TEK: variants seen among roughly 807,000 people sequenced by gnomAD.
TEK encodes the protein angiopoietin-1 receptor.
In TEK, 43 loss-of-function variants were observed where a neutral mutation model predicts 131.8. The observed-to-expected ratio is 0.33, with a 90% CI of 0.26 to 0.42. The LOEUF is 0.42. Ranked by LOEUF, TEK falls within the 10% of genes least tolerant of loss-of-function variation. The probability of loss-of-function intolerance (pLI) is 1.00; values close to 1 mark genes in which losing one functional copy is unlikely to be tolerated. For synonymous variants in TEK, 580 were observed against 491.6 expected (o/e 1.18, Z -2.38); for missense variants, 1,162 against 1,384.4 (o/e 0.84, Z 2.55).
chr9:27,193,633 C>T (rs919742319), intron 11 of TEK, among the ~76,000 whole-genome samples: 2 of 152,130 alleles, frequency 1.3e-5, no homozygotes, highest in African/African-American at 4.8e-5. Flanking sequence ...TGTGTATAAC[C>T]ATTCTGTTAC....
chr9:27,184,756 G>A (rs571980999), intron 8 of TEK, among the ~76,000 whole-genome samples: 65 of 152,228 alleles, frequency 4.3e-4, no homozygotes, highest in East Asian at 9.7e-4. Context: ...ATGGCAAAGA[G>A]GCCAGATACG....
At chr9:27,189,604 A>T (rs1358172967) in intron 9 of TEK, among the ~76,000 whole-genome samples, 3 of 152,172 alleles carry the variant, frequency 2.0e-5, no homozygotes, top group Non-Finnish European at 2.9e-5. Flanking sequence ...TCCTGACAAT[A>T]GTCAGAGATG....
At chr9:27,144,475 A>G (rs1032172566) in intron 1 of TEK, among the ~76,000 whole-genome samples, 1 of 152,208 alleles carries the variant, frequency 6.6e-6, no homozygotes, top group African/African-American at 2.4e-5. Flanking sequence ...CTCTCTCTTA[A>G]CGAATGCGCA....
intron 11 of TEK, among the ~76,000 whole-genome samples, chr9:27,196,762 C>CTTTTTTT (rs367911024): frequency 1.0e-5 from 1 of 99,270 alleles, no homozygotes; most frequent in Non-Finnish European, 2.0e-5. Flanking sequence ...GTGCTATACA[C>CTTTTTTT]TTTTTTTTTT....
Position 27,197,458 on chromosome 9 carries a change from A to T in TEK, c.1768A>T (p.Asn590Tyr). The T allele has an allele frequency of 1.2e-6, 2 of 1,614,108 alleles. No individual in the cohort carries two copies. Among genetic ancestry groups the T allele is most frequent in the Non-Finnish European group, 1.7e-6 (2 of 1,180,008 alleles). ...GTCTGTGCAAAAAAGTGATCAGCAG[A>T]ATATTAAAGTTCCAGGCAACTTGAC... ...RRSVQKSDQQ[N>Y]IKVPGNLTSV... Residue 590 changes from asparagine (N) to tyrosine (Y), a missense_variant, in exon 12 of 23, where the codon AAT becomes TAT. Physicochemically the swap from Asn to Tyr is moderately radical, Grantham distance 143. Transcript: ENST00000380036.
intron 1 of TEK, among the ~76,000 whole-genome samples, chr9:27,144,490 C>A (rs770754526): frequency 2.6e-5 from 4 of 152,194 alleles, no homozygotes; most frequent in African/African-American, 4.8e-5. Context: ...TGCGCATAGG[C>A]CTCCGACTCT....
chr9:27,136,194 G>A (rs539584344), intron 1 of TEK, among the ~76,000 whole-genome samples: 1 of 150,454 alleles, frequency 6.6e-6, no homozygotes, highest in South Asian at 2.1e-4. Flanking sequence ...CAATTCTTCT[G>A]CCTCAGCCTC....
chr9:27,113,032 T>G (rs1821405905), intron 1 of TEK, among the ~76,000 whole-genome samples: 1 of 152,176 alleles, frequency 6.6e-6, no homozygotes, highest in Non-Finnish European at 1.5e-5. Flanking sequence ...TGGTAATCAC[T>G]TCACTGAAAT....
chr9:27,162,478 C>T (rs1328939282), intron 2 of TEK, among the ~76,000 whole-genome samples: 1 of 152,184 alleles, frequency 6.6e-6, no homozygotes, highest in African/African-American at 2.4e-5. Context: ...GAAACGTTTT[C>T]AGATCCAAAG....
chr9:27,121,049 C>T (rs1821762854), intron 1 of TEK, among the ~76,000 whole-genome samples: 1 of 152,178 alleles, frequency 6.6e-6, no homozygotes, highest in Non-Finnish European at 1.5e-5. Flanking sequence ...TGGCTGGGTG[C>T]TGTGGCTCAC....
intron 1 of TEK, among the ~76,000 whole-genome samples, chr9:27,130,589 T>C (rs1417011131): frequency 2.0e-5 from 3 of 149,444 alleles, no homozygotes; most frequent in African/African-American, 4.9e-5. Context: ...AAGAGAAAAA[T>C]ACTTGGAACA....
chr9:27,174,204 C>T (rs935489455), intron 6 of TEK, among the ~76,000 whole-genome samples: 2 of 152,138 alleles, frequency 1.3e-5, no homozygotes, highest in African/African-American at 4.8e-5. Context: ...CAGAACCTCC[C>T]TAATGTATAT....
At chr9:27,169,655 G>A (rs1168415197) in intron 4 of TEK, 26 bp downstream of exon 4, 1 of 1,613,606 alleles carries the variant, frequency 6.2e-7, no homozygotes, top group East Asian at 2.2e-5. Context: ...GCCACCATTT[G>A]TGATGGTGTA....
At chr9:27,146,258 A>T (rs866664250) in intron 1 of TEK, among the ~76,000 whole-genome samples, 25 of 152,320 alleles carry the variant, frequency 1.6e-4, no homozygotes, top group African/African-American at 4.3e-4. Flanking sequence ...AATATGAAAG[A>T]TACATTTTTA....
intron 2 of TEK, among the ~76,000 whole-genome samples, chr9:27,166,618 A>T (rs1049234305): frequency 1.3e-5 from 2 of 152,178 alleles, no homozygotes; most frequent in Non-Finnish European, 2.9e-5. Context: ...GCTTTATAAT[A>T]ATTTTTTCTG....
chr9:27,218,642 AAGG>A, intron 19 of TEK, 132 bp from the exon 20 acceptor site: 1 of 847,518 alleles, frequency 1.2e-6, no homozygotes, highest in South Asian at 1.4e-5. Context: ...CACTGTGTGC[AAGG>A]GCCTATCCTA....
chr9:27,109,662 T>G lies in TEK; in HGVS notation c.52+20T>G. ...TTTCTGGTAAGGTTTGGCTTTATTT[T>G]TTTTAATTTAGTATTTTAAAAAACA... On this transcript the variant is annotated intron_variant, in intron 1 of 22. Coordinates refer to ENST00000380036, the MANE Select transcript of TEK (RefSeq NM_000459.5). 6.2e-7 allele frequency: 1 copy of G among 1,613,364 alleles called. No individual in the cohort carries two copies. Among genetic ancestry groups the G allele is most frequent in the Non-Finnish European group, 8.5e-7 (1 of 1,179,390 alleles).
intron 1 of TEK, among the ~76,000 whole-genome samples, chr9:27,118,576 T>C (rs916680656): frequency 6.6e-6 from 1 of 152,216 alleles, no homozygotes; most frequent in Admixed American, 6.5e-5. Flanking sequence ...TTAGGCTGCA[T>C]GAATGTCGTG....
At chr9:27,180,508 A>G in intron 7 of TEK, 140 bp downstream of exon 7, 1 of 1,248,686 alleles carries the variant, frequency 8.0e-7, no homozygotes, top group Non-Finnish European at 1.1e-6. Context: ...GTTTATCCTA[A>G]ATCCTAAAGC....
Sources: allele counts gnomAD v4.1 joint callset (sites outside exome capture counted in the v4.1 genomes callset), GRCh38; gene constraint gnomAD v4.1.1; transcripts MANE v1.5; gene names NCBI Gene and HGNC (gene_info 2026-07-23, HGNC 2026-07-21).